Variants in TENM3 observed in about 807,000 individuals in gnomAD.
TENM3 encodes the protein teneurin transmembrane protein 3.
Under a neutral mutation model 255.1 loss-of-function variants are expected in TENM3, and 63 were observed. That is an observed-to-expected ratio of 0.25 (90% CI 0.20 to 0.30). The LOEUF (loss-of-function observed/expected upper bound fraction) is 0.30. TENM3 is among the 10% of genes least tolerant of loss of function. The pLI, the probability that TENM3 is intolerant of heterozygous loss-of-function variation, is 1.00. For synonymous variants in TENM3, 1,306 were observed against 1,322.3 expected (o/e 0.99, Z 0.27); for missense variants, 2,929 against 3,461.1 (o/e 0.85, Z 3.86).
chr4:181,964,698 A>T, the TENM3 span, among the ~76,000 whole-genome samples: 15 of 152,172 alleles, frequency 9.9e-5, no homozygotes, highest in African/African-American at 3.6e-4. Context: ...GCACTGCTGA[A>T]TATCATCAAC....
At chr4:181,774,013 T>G in the TENM3 span, among the ~76,000 whole-genome samples, 6 of 130,970 alleles carry the variant, frequency 4.6e-5, no homozygotes, top group Non-Finnish European at 7.9e-5. Context: ...GTTTTTTTTT[T>G]TTTTTTTTTT....
At chr4:182,524,296 A>G (rs947299168) in intron 3 of TENM3, among the ~76,000 whole-genome samples, 5 of 150,676 alleles carry the variant, frequency 3.3e-5, no homozygotes, top group African/African-American at 1.2e-4. Flanking sequence ...GAGAACCACT[A>G]TACCATCTTT....
At chr4:181,523,808 G>A in the TENM3 span, among the ~76,000 whole-genome samples, 1 of 152,184 alleles carries the variant, frequency 6.6e-6, no homozygotes, top group Non-Finnish European at 1.5e-5. Context: ...ACCTTCAGAA[G>A]TATCTGCGTC....
intron 13 of TENM3, among the ~76,000 whole-genome samples, chr4:182,721,764 A>G (rs909140591): frequency 6.6e-6 from 1 of 152,344 alleles, no homozygotes; most frequent in African/African-American, 2.4e-5. Flanking sequence ...AATGAAAAAT[A>G]TCAATTTTGT....
intron 13 of TENM3, among the ~76,000 whole-genome samples, chr4:182,717,606 T>G (rs1040085417): frequency 6.6e-6 from 1 of 152,164 alleles, no homozygotes; most frequent in Non-Finnish European, 1.5e-5. Context: ...AGCAATGGAT[T>G]ACTAGATTCT....
chr4:182,369,035 A>T (rs1470371383), intron 3 of TENM3, among the ~76,000 whole-genome samples: 1 of 152,216 alleles, frequency 6.6e-6, no homozygotes, highest in Non-Finnish European at 1.5e-5. Context: ...CCTCCCCCAC[A>T]TTAAATGTCA....
the TENM3 span, among the ~76,000 whole-genome samples, chr4:181,641,580 A>G: frequency 1.1e-5 from 1 of 90,048 alleles, no homozygotes; most frequent in Non-Finnish European, 2.2e-5. Context: ...ATATATATAT[A>G]TATATATATA....
chr4:182,664,418 T>G (rs1322967480), intron 6 of TENM3, among the ~76,000 whole-genome samples: 1 of 152,180 alleles, frequency 6.6e-6, no homozygotes, highest in African/African-American at 2.4e-5. Context: ...CCCACCATCT[T>G]TCTCTTCTTG....
the TENM3 span, among the ~76,000 whole-genome samples, chr4:181,984,032 G>C: frequency 6.6e-6 from 1 of 151,984 alleles, no homozygotes; most frequent in Non-Finnish European, 1.5e-5. Flanking sequence ...CTTAGTGATG[G>C]AATAATGCTC....
the TENM3 span, among the ~76,000 whole-genome samples, chr4:182,069,456 T>C: frequency 6.6e-6 from 1 of 152,112 alleles, no homozygotes; most frequent in African/African-American, 2.4e-5. Context: ...TTCCAGAAAT[T>C]CCTTCTAGCC....
At chr4:182,008,369 C>T in the TENM3 span, among the ~76,000 whole-genome samples, 1 of 152,086 alleles carries the variant, frequency 6.6e-6, no homozygotes, top group Non-Finnish European at 1.5e-5. Context: ...TTCTGGTACT[C>T]CAATCAATCG....
At chr4:182,308,013 G>C (rs1473195835) in intron 1 of TENM3, among the ~76,000 whole-genome samples, 3 of 152,206 alleles carry the variant, frequency 2.0e-5, no homozygotes, top group Non-Finnish European at 4.4e-5. Context: ...AGACATCTGA[G>C]AACGCAACAT....
intron 2 of TENM3, among the ~76,000 whole-genome samples, chr4:182,344,847 C>A (rs982756060): frequency 6.6e-6 from 1 of 152,150 alleles, no homozygotes; most frequent in Non-Finnish European, 1.5e-5. Flanking sequence ...TCTTCCACAG[C>A]AATTCCATTA....
At chr4:182,545,557 C>T (rs1461219259) in intron 3 of TENM3, among the ~76,000 whole-genome samples, 3 of 152,034 alleles carry the variant, frequency 2.0e-5, no homozygotes, top group Non-Finnish European at 4.4e-5. Context: ...CTTCGCCTTT[C>T]GTTCCAGTCT....
intron 1 of TENM3, among the ~76,000 whole-genome samples, chr4:182,279,444 G>A (rs76585518): frequency 7.4e-4 from 113 of 152,236 alleles, no homozygotes; most frequent in Non-Finnish European, 1.3e-3. Context: ...ATGACATTTT[G>A]AGTGCATTGC....
At chr4:182,798,272 G>A (rs771384702) in intron 27 of TENM3, among the ~76,000 whole-genome samples, 41 of 152,124 alleles carry the variant, frequency 2.7e-4, no homozygotes, top group Non-Finnish European at 1.9e-4. Context: ...CCTACTGAAG[G>A]GCTAGGATTA....
At chr4:181,744,678 C>A in the TENM3 span, among the ~76,000 whole-genome samples, 1 of 152,180 alleles carries the variant, frequency 6.6e-6, no homozygotes, top group Non-Finnish European at 1.5e-5. Flanking sequence ...CAGCTTGGAA[C>A]AGAATGGTAG....
At chr4:182,162,308 CT>C (rs1263321540) in intron 1 of TENM3, among the ~76,000 whole-genome samples, 2 of 152,026 alleles carry the variant, frequency 1.3e-5, no homozygotes, top group Non-Finnish European at 2.9e-5. Flanking sequence ...TATTAAACAC[CT>C]ATTTTGAGCC....
At chr4:182,220,602 C>T (rs950826930) in intron 1 of TENM3, among the ~76,000 whole-genome samples, 1 of 152,030 alleles carries the variant, frequency 6.6e-6, no homozygotes, top group Non-Finnish European at 1.5e-5. Context: ...TAGGAAACTG[C>T]GCAGAGAAGG....
Sources: gnomAD v4.1 joint callset for allele counts (sites outside exome capture counted in the v4.1 genomes callset) on GRCh38, gnomAD v4.1.1 for gene constraint, MANE v1.5 for transcripts, NCBI Gene and HGNC (gene_info 2026-07-23, HGNC 2026-07-21) for gene names.